Variants in VTI1A observed in about 807,000 individuals in gnomAD.
VTI1A encodes vesicle transport through interaction with t-SNAREs homolog 1A.
In VTI1A, 22 loss-of-function variants were observed where a neutral mutation model predicts 34.9. The ratio of observed to expected loss-of-function variants is 0.63; its 90% CI spans 0.45 to 0.90. The LOEUF is 0.90. Ranked by LOEUF, VTI1A falls within the 40% of genes least tolerant of loss-of-function variation. The pLI, the probability that VTI1A is intolerant of heterozygous loss-of-function variation, is 0.00. For missense variants in VTI1A, 268 were observed against 275.6 expected (o/e 0.97, Z 0.20); for synonymous variants, 87 against 97.3 (o/e 0.89, Z 0.62).
intron 7 of VTI1A, among the ~76,000 whole-genome samples, chr10:112,681,485 A>G (rs1848216903): frequency 6.6e-6 from 1 of 152,230 alleles, no homozygotes; most frequent in Non-Finnish European, 1.5e-5. Context: ...AATGGTTTAC[A>G]TGTTTAAATG....
chr10:112,825,072 G>A, the VTI1A span: 2 of 152,224 alleles, frequency 1.3e-5, no homozygotes, highest in Non-Finnish European at 2.9e-5. Flanking sequence ...TGGGAAATAA[G>A]GCTCTGCAGT....
At chr10:112,788,693 G>A (rs911443272) in intron 7 of VTI1A, among the ~76,000 whole-genome samples, 1 of 151,944 alleles carries the variant, frequency 6.6e-6, no homozygotes, top group Non-Finnish European at 1.5e-5. Context: ...TTGAATTTAT[G>A]TCTGCCATTT....
intron 5 of VTI1A, among the ~76,000 whole-genome samples, chr10:112,575,131 C>T (rs1032779343): frequency 1.3e-5 from 2 of 152,200 alleles, no homozygotes; most frequent in Non-Finnish European, 2.9e-5. Flanking sequence ...ATGGTTTGCT[C>T]ACCTCTATAT....
intron 5 of VTI1A, among the ~76,000 whole-genome samples, chr10:112,638,041 T>C (rs746992938): frequency 2.6e-5 from 4 of 152,280 alleles, no homozygotes; most frequent in Admixed American, 6.5e-5. Context: ...TGAATTACTC[T>C]ATAGCCTTCA....
At chr10:112,803,066 ATTTTATTT>A (rs1286638748) in intron 7 of VTI1A, among the ~76,000 whole-genome samples, 1 of 151,776 alleles carries the variant, frequency 6.6e-6, no homozygotes, top group African/African-American at 2.4e-5. Context: ...TCTTCATTTT[ATTTTATTT>A]TTTTATTTTT....
At chr10:112,755,301 G>C (rs773125225) in intron 7 of VTI1A, among the ~76,000 whole-genome samples, 1 of 152,098 alleles carries the variant, frequency 6.6e-6, no homozygotes, top group African/African-American at 2.4e-5. Flanking sequence ...TTCAAATTCT[G>C]TGACATATCT....
Position 112,665,015 on chromosome 10 carries a change from G to A in VTI1A, c.428-3203G>A, listed in dbSNP as rs373220966. 3.9e-5 allele frequency among the ~76,000 whole-genome samples: 6 copies of A among 152,136 alleles called. No individual in the cohort carries two copies. In the East Asian group the frequency reaches 7.7e-4, roughly 20 times the overall value. ...TTCTCAAATTATTTCAAGAGCAGCA[G>A]TATGGCTGTTCCATTCTTAAGGCCC... On this transcript the variant is annotated intron_variant, in intron 5 of 7. Coordinates refer to ENST00000393077, the MANE Select transcript of VTI1A (RefSeq NM_145206.4).
intron 7 of VTI1A, among the ~76,000 whole-genome samples, chr10:112,749,912 A>G (rs1438517785): frequency 6.6e-6 from 1 of 152,206 alleles, no homozygotes; most frequent in Non-Finnish European, 1.5e-5. Flanking sequence ...TGTTAAGTGA[A>G]CCATGCACAC....
chr10:112,646,202 G>C (rs568211621), intron 5 of VTI1A, among the ~76,000 whole-genome samples: 1 of 151,882 alleles, frequency 6.6e-6, no homozygotes, highest in South Asian at 2.1e-4. Context: ...TATACCATTA[G>C]TTTCAGGTCA....
intron 7 of VTI1A, among the ~76,000 whole-genome samples, chr10:112,773,658 T>C (rs975537182): frequency 6.6e-6 from 1 of 152,246 alleles, no homozygotes; most frequent in East Asian, 1.9e-4. Flanking sequence ...AGACAGTTGA[T>C]TGGAAAGAAA....
At position 112,750,875 on chromosome 10, in the gene VTI1A, C is replaced by T. The variant is rs138558097; in HGVS notation, c.561-64415C>T. 3.6e-3 allele frequency among the ~76,000 whole-genome samples: 553 copies of T among 152,316 alleles called. 4 individuals carry two copies. The highest frequency in any genetic ancestry group is 0.012 in the African/African-American group (513 of 41,568). On this transcript the variant is annotated intron_variant, in intron 7 of 7. Coordinates refer to ENST00000393077, the MANE Select transcript of VTI1A (RefSeq NM_145206.4). ...AATAAAAAGCAAATACTGTGTGTCC[C>T]ATGGCAACCTCGGCCTTTAGTATCT...
At chr10:112,812,402 A>C (rs1240534966) in intron 7 of VTI1A, among the ~76,000 whole-genome samples, 1 of 152,222 alleles carries the variant, frequency 6.6e-6, no homozygotes, top group East Asian at 1.9e-4. Context: ...CCCTTGGCCT[A>C]GCTGGTTTTT....
chr10:112,543,147 T>C (rs565583474), intron 5 of VTI1A, among the ~76,000 whole-genome samples: 7 of 152,354 alleles, frequency 4.6e-5, no homozygotes, highest in African/African-American at 1.7e-4. Context: ...TACGTGTGCA[T>C]GTGTCTTTAT....
chr10:112,768,759 G>C lies in VTI1A; in HGVS notation c.561-46531G>C, dbSNP rs186300149. 2.8e-3 allele frequency among the ~76,000 whole-genome samples: 423 copies of C among 152,292 alleles called. 1 individual carries two copies. Among genetic ancestry groups the C allele is most frequent in the Middle Eastern group, 6.8e-3 (2 of 294 alleles). On this transcript the variant is annotated intron_variant, in intron 7 of 7. Coordinates refer to ENST00000393077, the MANE Select transcript of VTI1A (RefSeq NM_145206.4). ...TGACAACACAGGCTGTGGTTTCCAT[G>C]TTAGTATTAGATCATTATTAAATTT...
At chr10:112,846,013 G>T in the VTI1A span, among the ~76,000 whole-genome samples, 5,484 of 152,280 alleles carry the variant, frequency 0.036, 185 homozygotes, top group African/African-American at 0.091. Context: ...GCGAGGCTCT[G>T]TCTGAAAAGA....
At chr10:112,502,145 G>A (rs1849266073) in intron 3 of VTI1A, among the ~76,000 whole-genome samples, 1 of 149,994 alleles carries the variant, frequency 6.7e-6, no homozygotes. Context: ...CTCCCACCTC[G>A]GCATTTTGAG....
At chr10:112,608,184 T>C (rs1296239468) in intron 5 of VTI1A, among the ~76,000 whole-genome samples, 1 of 152,198 alleles carries the variant, frequency 6.6e-6, no homozygotes, top group East Asian at 1.9e-4. Flanking sequence ...AAATTTTACT[T>C]TAAGCCTTTT....
chr10:112,597,437 C>T (rs1230700042), intron 5 of VTI1A, among the ~76,000 whole-genome samples: 11 of 152,116 alleles, frequency 7.2e-5, no homozygotes, highest in Admixed American at 6.5e-4. Flanking sequence ...AGGCTGGTCT[C>T]GAACTCCCGA....
intron 7 of VTI1A, among the ~76,000 whole-genome samples, chr10:112,784,314 C>T (rs1019160103): frequency 1.3e-5 from 2 of 152,058 alleles, no homozygotes; most frequent in African/African-American, 4.8e-5. Flanking sequence ...GAGAATAAAC[C>T]TATTATGCAC....
Sources: gnomAD v4.1 joint callset for allele counts (sites outside exome capture counted in the v4.1 genomes callset) on GRCh38, gnomAD v4.1.1 for gene constraint, MANE v1.5 for transcripts, NCBI Gene and HGNC (gene_info 2026-07-23, HGNC 2026-07-21) for gene names.